Variants in SLC4A4 observed in about 807,000 individuals in gnomAD.
SLC4A4 encodes electrogenic sodium bicarbonate cotransporter 1.
SLC4A4 carries 27 observed loss-of-function variants against 111.5 expected under a neutral mutation model. The observed-to-expected ratio is 0.24, with a 90% confidence interval of 0.18 to 0.33. The LOEUF (loss-of-function observed/expected upper bound fraction) is 0.33, where lower values mean the gene tolerates loss of function less well. Ranked by LOEUF, SLC4A4 falls within the 10% of genes least tolerant of loss-of-function variation. The pLI is 1.00. For synonymous variants in SLC4A4, 443 were observed against 463.4 expected, an observed-to-expected ratio of 0.96 and a Z score of 0.57; for missense variants, 909 against 1,315.5, an observed-to-expected ratio of 0.69 and a Z score of 4.78.
intron 1 of SLC4A4, among the ~76,000 whole-genome samples, chr4:71,202,979 A>G (rs908927789): frequency 1.3e-4 from 20 of 152,282 alleles, no homozygotes; most frequent in African/African-American, 4.8e-4. Flanking sequence ...CACTTCAGCA[A>G]CCAGCTAACG....
chr4:71,159,326 A>C (rs766420480), intron 2 of SLC4A4, among the ~76,000 whole-genome samples: 3 of 151,904 alleles, frequency 2.0e-5, no homozygotes, highest in Non-Finnish European at 2.9e-5. Context: ...AAATTTTTCT[A>C]TCTCTCTCTT....
intron 1 of SLC4A4, among the ~76,000 whole-genome samples, chr4:71,068,312 G>A (rs111886473): frequency 6.6e-6 from 1 of 151,970 alleles, no homozygotes; most frequent in African/African-American, 2.4e-5. Flanking sequence ...TGATCTGCCC[G>A]CCTTGGCTTC....
chr4:71,367,171 G>A (rs1731413085), intron 6 of SLC4A4, among the ~76,000 whole-genome samples: 1 of 152,246 alleles, frequency 6.6e-6, no homozygotes, highest in Non-Finnish European at 1.5e-5. Flanking sequence ...GGGAGTAGAG[G>A]AGAGAGAAGC....
At chr4:71,181,018 T>C (rs965171975) in intron 2 of SLC4A4, among the ~76,000 whole-genome samples, 2 of 152,026 alleles carry the variant, frequency 1.3e-5, no homozygotes, top group Non-Finnish European at 2.9e-5. Flanking sequence ...ATATATACCA[T>C]GGAATACTAT....
At chr4:71,306,235 G>C (rs2060900) in intron 3 of SLC4A4, among the ~76,000 whole-genome samples, 4 of 151,556 alleles carry the variant, frequency 2.6e-5, no homozygotes, top group African/African-American at 7.3e-5. Context: ...TTTGTTAGCT[G>C]TCTGACCTTG....
chr4:71,466,669 T>C, intron 13 of SLC4A4, 92 bp downstream of exon 13: 1 of 1,307,698 alleles, frequency 7.6e-7, no homozygotes, highest in Non-Finnish European at 1.1e-6. Context: ...ATTAGGCAGA[T>C]CCAAGAATCA....
chr4:71,242,257 G>A (rs976972868), intron 2 of SLC4A4, among the ~76,000 whole-genome samples: 1 of 152,198 alleles, frequency 6.6e-6, no homozygotes, highest in African/African-American at 2.4e-5. Context: ...TTCTGAAATA[G>A]TACACTTATA....
intron 3 of SLC4A4, among the ~76,000 whole-genome samples, chr4:71,311,349 A>G (rs1726143268): frequency 6.6e-6 from 1 of 152,184 alleles, no homozygotes; most frequent in African/African-American, 2.4e-5. Flanking sequence ...CAGACCTAAT[A>G]GACATCTACA....
intron 9 of SLC4A4, among the ~76,000 whole-genome samples, chr4:71,449,591 A>G (rs1031265982): frequency 6.6e-6 from 1 of 152,174 alleles, no homozygotes; most frequent in African/African-American, 2.4e-5. Flanking sequence ...TTTAGTCACA[A>G]TCTTTAAGAA....
In SLC4A4 at chr4:71,451,313, T is replaced by G; in HGVS notation, c.1322+12T>G. On this transcript the variant is annotated intron_variant, in intron 11 of 25. Coordinates refer to ENST00000264485, the MANE Select transcript of SLC4A4 (RefSeq NM_001098484.3). ...CAGCGAACTGGACGGTAACTGACAGTTTCCTTTGCCATTCATGATGAGGTT... is the reference window on the plus strand; with the variant it reads ...CAGCGAACTGGACGGTAACTGACAGGTTCCTTTGCCATTCATGATGAGGTT... 6.6e-7 allele frequency: 1 copy of G among 1,526,298 alleles called. No homozygotes were observed. The allele number at this position is 1,526,298 out of a possible 1,614,324, so 94.5% of individuals were successfully genotyped here.
chr4:71,377,948 G>A (rs1488387933), intron 6 of SLC4A4, among the ~76,000 whole-genome samples: 1 of 152,122 alleles, frequency 6.6e-6, no homozygotes, highest in East Asian at 1.9e-4. Context: ...GGCGGGAGGT[G>A]AAAGGCACTT....
intron 7 of SLC4A4, among the ~76,000 whole-genome samples, chr4:71,418,506 T>C (rs996263509): frequency 2.6e-5 from 4 of 152,224 alleles, no homozygotes; most frequent in African/African-American, 7.2e-5. Flanking sequence ...TAAAAGTGAT[T>C]GTCTAAATTT....
chr4:71,121,833 C>T (rs1156941801), intron 2 of SLC4A4, among the ~76,000 whole-genome samples: 1 of 152,168 alleles, frequency 6.6e-6, no homozygotes, highest in Non-Finnish European at 1.5e-5. Context: ...CTGCTGCTCA[C>T]TCTTTGGGTC....
intron 8 of SLC4A4, among the ~76,000 whole-genome samples, chr4:71,445,428 T>C (rs1725136638): frequency 6.6e-6 from 1 of 152,172 alleles, no homozygotes; most frequent in Non-Finnish European, 1.5e-5. Context: ...TATGTATTTG[T>C]AAGCTATAAT....
At position 71,080,038 on chromosome 4, in the gene SLC4A4, C is replaced by T. The variant is rs963982009; in HGVS notation, c.-64-12692C>T. ...GAGGGATTAATATATTGATCAGCCT[C>T]TGGAGGGTGGTGACCTCTCCAGTGG... On this transcript the variant is annotated intron_variant, in intron 1 of 26. Transcript: ENST00000649996. Among the ~76,000 whole-genome samples, 8 of 152,064 alleles carry T rather than the reference C, an allele frequency of 5.3e-5. No individual in the cohort carries two copies. In the East Asian group the frequency reaches 1.5e-3, roughly 29 times the overall value.
At chr4:71,200,131 G>A (rs1300937419) in intron 1 of SLC4A4, among the ~76,000 whole-genome samples, 1 of 152,138 alleles carries the variant, frequency 6.6e-6, no homozygotes, top group African/African-American at 2.4e-5. Flanking sequence ...TATGGCTTGG[G>A]GAGCAGGGGT....
chr4:71,131,553 A>C (rs1209020474), intron 2 of SLC4A4, among the ~76,000 whole-genome samples: 1 of 152,224 alleles, frequency 6.6e-6, no homozygotes, highest in Non-Finnish European at 1.5e-5. Context: ...TGTGCCTGGA[A>C]TTACTATGTG....
intron 3 of SLC4A4, chr4:71,300,266 G>A: frequency 1.4e-5 from 3 of 209,554 alleles, no homozygotes; most frequent in Non-Finnish European, 3.1e-5. Context: ...ACTAGCGTCT[G>A]CCATAGCACG....
At chr4:71,566,860 C>A in intron 24 of SLC4A4, 144 bp from the exon 25 acceptor site, 1 of 610,038 alleles carries the variant, frequency 1.6e-6, no homozygotes, top group Non-Finnish European at 2.9e-6. Flanking sequence ...AGAGTCTTAG[C>A]TTAATACCTT....
Sources: gnomAD v4.1 joint callset for allele counts (sites outside exome capture counted in the v4.1 genomes callset) on GRCh38, gnomAD v4.1.1 for gene constraint, MANE v1.5 for transcripts, NCBI Gene and HGNC (gene_info 2026-07-23, HGNC 2026-07-21) for gene names.